ZC3H12B: variants seen among roughly 807,000 people sequenced by gnomAD.
ZC3H12B encodes the protein zinc finger CCCH-type containing 12B.
Under a neutral mutation model 43.9 loss-of-function variants are expected in ZC3H12B, and 7 were observed. That is an observed-to-expected ratio of 0.16 (90% CI 0.09 to 0.30). The LOEUF (loss-of-function observed/expected upper bound fraction) is 0.30, where lower values mean the gene tolerates loss of function less well. Ranked by LOEUF, ZC3H12B falls within the 10% of genes least tolerant of loss-of-function variation. The probability of loss-of-function intolerance (pLI) is 1.00; values close to 1 mark genes in which losing one functional copy is unlikely to be tolerated. For missense variants in ZC3H12B, 475 were observed against 670.2 expected (o/e 0.71, Z 3.22); for synonymous variants, 222 against 241.7 (o/e 0.92, Z 0.76).
intron 3 of ZC3H12B, among the ~76,000 whole-genome samples, chrX:65,409,184 G>T (rs1490241456): frequency 4.5e-5 from 5 of 110,962 alleles, no homozygotes; most frequent in Admixed American, 1.9e-4. Flanking sequence ...TTTGTGTATG[G>T]TTAAACTAAA....
intron 3 of ZC3H12B, among the ~76,000 whole-genome samples, chrX:65,460,144 C>G (rs771801648): frequency 8.9e-6 from 1 of 111,842 alleles, no homozygotes; most frequent in South Asian, 3.7e-4. Flanking sequence ...AGGAATCCAA[C>G]TTACATGGGA....
the ZC3H12B span, among the ~76,000 whole-genome samples, chrX:65,349,640 T>A: frequency 4.5e-5 from 5 of 110,779 alleles, no homozygotes; most frequent in African/African-American, 1.6e-4. Context: ...GAGAGAATAA[T>A]CAAATAGATC....
chrX:65,435,689 G>A (rs748680654), intron 3 of ZC3H12B, among the ~76,000 whole-genome samples: 5 of 111,113 alleles, frequency 4.5e-5, no homozygotes, highest in Non-Finnish European at 9.4e-5. Context: ...TAGATAGATA[G>A]ATAGATAGAT....
chrX:65,054,058 T>G, the ZC3H12B span, among the ~76,000 whole-genome samples: 1 of 112,609 alleles, frequency 8.9e-6, no homozygotes, highest in Non-Finnish European at 1.9e-5. Context: ...TTCTGTAGGT[T>G]GCCTGTTCAC....
the ZC3H12B span, among the ~76,000 whole-genome samples, chrX:65,305,141 A>T: frequency 8.9e-6 from 1 of 111,980 alleles, no homozygotes; most frequent in African/African-American, 3.2e-5. Context: ...AGCTTTAAAA[A>T]GTTGATTATA....
chrX:65,091,810 A>G, the ZC3H12B span, among the ~76,000 whole-genome samples: 1 of 112,305 alleles, frequency 8.9e-6, no homozygotes, highest in Non-Finnish European at 1.9e-5. Flanking sequence ...AATTATCTGT[A>G]TGTTCTGTTC....
the ZC3H12B span, among the ~76,000 whole-genome samples, chrX:65,228,108 G>C: frequency 9.0e-6 from 1 of 111,679 alleles, no homozygotes; most frequent in Non-Finnish European, 1.9e-5. Context: ...CAATATCCTT[G>C]ATGAACATTG....
chrX:65,377,947 A>T (rs1474356978), intron 2 of ZC3H12B, among the ~76,000 whole-genome samples: 2 of 110,533 alleles, frequency 1.8e-5, no homozygotes, highest in African/African-American at 6.6e-5. Flanking sequence ...AAATTCAAAA[A>T]AATTAACCGG....
At chrX:65,304,964 T>TA in the ZC3H12B span, among the ~76,000 whole-genome samples, 7 of 111,510 alleles carry the variant, frequency 6.3e-5, no homozygotes, top group African/African-American at 1.6e-4. Context: ...TAAGAAGTAA[T>TA]AAAAAAACCA....
At chrX:65,311,377 C>T in the ZC3H12B span, among the ~76,000 whole-genome samples, 2 of 112,188 alleles carry the variant, frequency 1.8e-5, no homozygotes, top group African/African-American at 6.5e-5. Flanking sequence ...ATGCAGCCAA[C>T]AGACACATGA....
chrX:65,383,296 C>T (rs1199480438), intron 2 of ZC3H12B, among the ~76,000 whole-genome samples: 3 of 111,590 alleles, frequency 2.7e-5, no homozygotes, highest in Admixed American at 1.9e-4. Context: ...AGAATTAATG[C>T]CGCATATCTA....
At chrX:65,502,415 G>T (rs1284794563) in exon 5 of ZC3H12B, 2 of 1,209,008 alleles carry the variant, frequency 1.7e-6, no homozygotes, top group African/African-American at 3.5e-5. Context: ...AGTAGACCGG[G>T]GGGTGTATGC....
chrX:65,184,124 G>A, the ZC3H12B span, among the ~76,000 whole-genome samples: 1 of 111,288 alleles, frequency 9.0e-6, no homozygotes, highest in African/African-American at 3.3e-5. Flanking sequence ...ATAAATGTTA[G>A]TTGCCTTCCT....
the ZC3H12B span, among the ~76,000 whole-genome samples, chrX:65,125,670 A>G: frequency 1.8e-5 from 2 of 111,169 alleles, no homozygotes; most frequent in African/African-American, 3.3e-5. Context: ...TGGTAAGTGC[A>G]TATATAATTA....
chrX:65,399,105 C>T (rs1226356648), intron 3 of ZC3H12B, among the ~76,000 whole-genome samples: 1 of 112,420 alleles, frequency 8.9e-6, no homozygotes, highest in Non-Finnish European at 1.9e-5. Flanking sequence ...TTCATCAGGA[C>T]ATTGGACTGG....
upstream of ZC3H12B, among the ~76,000 whole-genome samples, chrX:65,365,201 C>T (rs1158441481): frequency 9.0e-6 from 1 of 111,266 alleles, no homozygotes; most frequent in Non-Finnish European, 1.9e-5. Flanking sequence ...CCTCACCAAG[C>T]TCAGCCTCCA....
chrX:65,117,315 G>A, the ZC3H12B span, among the ~76,000 whole-genome samples: 1 of 112,256 alleles, frequency 8.9e-6, no homozygotes, highest in African/African-American at 3.2e-5. Flanking sequence ...GGCCAGTGAT[G>A]ATGAACATTT....
chrX:65,298,535 G>A, the ZC3H12B span, among the ~76,000 whole-genome samples: 7 of 111,030 alleles, frequency 6.3e-5, no homozygotes, highest in Admixed American at 2.9e-4. Context: ...ATGGAATATC[G>A]TATGGAGGTT....
the ZC3H12B span, among the ~76,000 whole-genome samples, chrX:65,201,237 G>T: frequency 1.1e-3 from 121 of 111,362 alleles, 1 homozygote; most frequent in African/African-American, 3.8e-3. Context: ...CTCAGTATTG[G>T]TCTATTTAGG....
Sources: allele counts gnomAD v4.1 joint callset (sites outside exome capture counted in the v4.1 genomes callset), GRCh38; gene constraint gnomAD v4.1.1; transcripts MANE v1.5; gene names NCBI Gene and HGNC (gene_info 2026-07-23, HGNC 2026-07-21).